PLCXD1: variants seen among roughly 807,000 people sequenced by gnomAD.
PLCXD1 encodes the protein PI-PLC X domain-containing protein 1.
Under a neutral mutation model 37.8 loss-of-function variants are expected in PLCXD1, and 45 were observed. The ratio of observed to expected loss-of-function variants is 1.19; its 90% CI spans 0.94 to 1.53. PLCXD1 has a LOEUF of 1.53. Ranked by LOEUF, PLCXD1 falls within the 40% of genes most tolerant of loss-of-function variation. The pLI is 0.00. For missense variants in PLCXD1, 539 were observed against 454.7 expected, an observed-to-expected ratio of 1.19 and a Z score of -1.69; for synonymous variants, 246 against 206.9, an observed-to-expected ratio of 1.19 and a Z score of -1.62.
chrX:294,976 G>A (rs754617207), intron 6 of PLCXD1, among the ~76,000 whole-genome samples: 4 of 152,010 alleles, frequency 2.6e-5, no homozygotes, highest in South Asian at 2.1e-4. Context: ...AGGAGTTTGC[G>A]ACCAGTCTGG....
chrX:288,984 T>C, intron 3 of PLCXD1, 115 bp downstream of exon 3: 1 of 1,001,334 alleles, frequency 1.0e-6, no homozygotes, highest in Non-Finnish European at 1.5e-6. Context: ...CCCTGTGGGC[T>C]CAGGAGGCAG....
At position 299,159 on chromosome X, in the gene PLCXD1, T is replaced by C. The variant is rs1245067006; in HGVS notation, c.796T>C (p.Ser266Pro). 6.8e-6 allele frequency: 11 copies of C among 1,613,928 alleles called. No homozygotes were observed. The African/African-American group carries it at 1.5e-4, about 22-fold the overall frequency. The change falls in exon 7 of 7, where the codon TCC becomes CCC. Residue 266 changes from serine to proline, a missense_variant. By Grantham distance (74) the Ser-to-Pro change is moderately conservative. Coordinates refer to ENST00000381657, the MANE Select transcript of PLCXD1 (RefSeq NM_018390.4). ...ENLQYVLAHP[S>P]ESLEKMTLPN... ...CCTGCAGTACGTTCTGGCGCACCCG[T>C]CCGAGTCCCTGGAGAAGATGACGCT...
At chrX:291,181 T>TCG (rs2069622946) in intron 4 of PLCXD1, among the ~76,000 whole-genome samples, 1 of 151,566 alleles carries the variant, frequency 6.6e-6, no homozygotes, top group Non-Finnish European at 1.5e-5. Context: ...AGTCTTGCTG[T>TCG]GTCGCCCAGG....
rs776718383 is a variant in PLCXD1 at position 299,163 on chromosome X, A to C, written c.800A>C (p.Glu267Ala). ...NLQYVLAHPS[E>A]SLEKMTLPNL... is the part of the protein sequence containing the mutation. The stretch of plus-strand genomic sequence containing the variant: ...CAGTACGTTCTGGCGCACCCGTCCG[A>C]GTCCCTGGAGAAGATGACGCTGCCC... The change falls in exon 7 of 7, where the codon GAG (glutamate) becomes GCG (alanine). Residue 267 changes from glutamate (E) to alanine (A), a missense_variant. Physicochemically the swap from Glu to Ala is moderately radical, Grantham distance 107. Transcript: ENST00000381657. 6.2e-7 allele frequency: 1 copy of C among 1,613,908 alleles called. No homozygotes were observed. The highest frequency in any genetic ancestry group is 8.5e-7 in the Non-Finnish European group (1 of 1,179,868).
upstream of PLCXD1, among the ~76,000 whole-genome samples, chrX:279,992 G>A (rs2069228599): frequency 6.6e-6 from 1 of 152,026 alleles, no homozygotes; most frequent in Non-Finnish European, 1.5e-5. Context: ...GGGACTACAG[G>A]CGCGCGCCAG....
chrX:291,592 C>G lies in PLCXD1; in HGVS notation c.487C>G (p.Leu163Val). Residue 163 changes from leucine to valine, a missense_variant, in exon 5 of 7, where the codon CTG becomes GTG. Coordinates refer to ENST00000381657, the MANE Select transcript of PLCXD1 (RefSeq NM_018390.4). ...CRNFEGLSED[L>V]HEYLVACIKN... ...AAACTTCGAGGGGCTGAGCGAGGAC[C>G]TGCACGAGTACCTGGTCGCCTGTAT... The G allele has an allele frequency of 6.2e-7, 1 of 1,613,106 alleles. No homozygotes were observed. Among genetic ancestry groups the G allele is most frequent in the Non-Finnish European group, 8.5e-7 (1 of 1,179,844 alleles).
At chrX:285,846 C>T (rs1335689920) in intron 2 of PLCXD1, among the ~76,000 whole-genome samples, 11 of 152,108 alleles carry the variant, frequency 7.2e-5, no homozygotes, top group Admixed American at 7.2e-4. Flanking sequence ...CATTTGAGGA[C>T]TGCAGCCCAG....
In PLCXD1 at chrX:299,125, C is replaced by G. The variant is rs775652362; in HGVS notation, c.762C>G (p.Leu254=). 6.2e-7 allele frequency: 1 copy of G among 1,613,914 alleles called. No homozygotes were observed. The highest frequency in any genetic ancestry group is 8.5e-7 in the Non-Finnish European group (1 of 1,179,810). Residue 254 remains leucine (L), a synonymous_variant, in exon 7 of 7, where the codon CTC becomes CTG. Transcript: ENST00000381657. The stretch of plus-strand genomic sequence containing the variant: ...GGTTGTTCGTGGCCGGCATCAACCT[C>G]ACGGAGAACCTGCAGTACGTTCTGG... ...PGGLFVAGIN[L]TENLQYVLAH...
upstream of PLCXD1, among the ~76,000 whole-genome samples, chrX:278,270 G>A (rs1252880847): frequency 6.6e-6 from 1 of 152,022 alleles, no homozygotes; most frequent in African/African-American, 2.4e-5. Flanking sequence ...TGTGACGGGG[G>A]AAGGGACTGT....
At chrX:296,326 T>C (rs1389098586) in intron 6 of PLCXD1, among the ~76,000 whole-genome samples, 1 of 152,004 alleles carries the variant, frequency 6.6e-6, no homozygotes, top group Non-Finnish European at 1.5e-5. Flanking sequence ...GGTTTCAGCG[T>C]GTTGGTCAGG....
chrX:288,477 T>G (rs948597050), intron 2 of PLCXD1, among the ~76,000 whole-genome samples: 2 of 152,100 alleles, frequency 1.3e-5, no homozygotes, highest in Admixed American at 6.5e-5. Flanking sequence ...GTCACTGGAT[T>G]TGGGGGCCCG....
At position 284,253 on chromosome X, in the gene PLCXD1, C is replaced by T. The variant is rs200625439; in HGVS notation, c.66C>T (p.Asp22=). Residue 22 remains aspartate (D), a synonymous_variant, in exon 2 of 7, where the codon GAC becomes GAT. Coordinates refer to ENST00000381657, the MANE Select transcript of PLCXD1 (RefSeq NM_018390.4). ...SRLHCRNANE[D]WMSALCPRLW... ...TGCACTGCAGAAATGCCAACGAGGA[C>T]TGGATGTCGGCACTGTGTCCCCGGC... is the stretch of plus-strand genomic sequence containing the variant. 1 of 1,613,262 alleles carries T rather than the reference C, an allele frequency of 6.2e-7. No individual in the cohort carries two copies. Among genetic ancestry groups the T allele is most frequent in the Non-Finnish European group, 8.5e-7 (1 of 1,179,458 alleles).
Position 284,780 on chromosome X carries a change from T to A in PLCXD1, c.127+466T>A, listed in dbSNP as rs1029731141. The stretch of plus-strand genomic sequence containing the variant: ...ATAAAAGAGGTTTAATGGACTCAGT[T>A]CCACCTGGCTGGGGAGGCCTCACAA... On this transcript the variant is annotated intron_variant, in intron 2 of 6. Transcript: ENST00000381657. 2.0e-5 allele frequency among the ~76,000 whole-genome samples: 3 copies of A among 148,320 alleles called. No homozygotes were observed. In the Admixed American group the frequency reaches 2.0e-4, roughly 10 times the overall value.
Position 300,764 on chromosome X carries a change from C to T in PLCXD1, c.*1429C>T, listed in dbSNP as rs1208132992. ...TGTCACCCAGGCTGGAGTGCAACGG[C>T]GAGATCTCGGCTCACCGCAACCTCC... On this transcript the variant is annotated 3_prime_UTR_variant, in exon 7 of 7. Transcript: ENST00000381657. The T allele has an allele frequency of 1.3e-5, 2 of 149,484 alleles. No individual in the cohort carries two copies. The highest frequency in any genetic ancestry group is 4.9e-5 in the African/African-American group (2 of 40,542). 9.3% of individuals were successfully genotyped at this position (149,484 alleles called of 1,614,324 possible).
chrX:284,905 C>T (rs1398591845), intron 2 of PLCXD1, among the ~76,000 whole-genome samples: 2 of 152,164 alleles, frequency 1.3e-5, no homozygotes, highest in Non-Finnish European at 2.9e-5. Flanking sequence ...CATCAGATCT[C>T]GTGAGACTTA....
At chrX:286,142 G>A (rs376094460) in intron 2 of PLCXD1, among the ~76,000 whole-genome samples, 5 of 151,550 alleles carry the variant, frequency 3.3e-5, no homozygotes, top group African/African-American at 7.3e-5. Context: ...TCAGCTCATC[G>A]CAACCTCTGC....
chrX:289,516 C>CTTTTTTTTTTT (rs759211019), intron 3 of PLCXD1, among the ~76,000 whole-genome samples: 1 of 135,284 alleles, frequency 7.4e-6, no homozygotes, highest in East Asian at 2.1e-4. Flanking sequence ...CTTTCTTTTT[C>CTTTTTTTTTTT]TTTTTTTTTT....
intron 1 of PLCXD1, among the ~76,000 whole-genome samples, chrX:282,389 AAAC>A (rs1267926840): frequency 0.012 from 1,212 of 103,292 alleles, 14 homozygotes; most frequent in African/African-American, 0.046. Flanking sequence ...TCTTTAAAAA[AAAC>A]AAAACAAAAC....
Position 288,628 on chromosome X carries a change from G to A in PLCXD1, c.128-105G>A, listed in dbSNP as rs981694432. ...CTCCCGCCATACCTGTGCCTGTGCT[G>A]TGGGCGGGCAGCAGCCTGTGCTGTA... On this transcript the variant is annotated intron_variant, in intron 2 of 6. Coordinates refer to ENST00000381657, the MANE Select transcript of PLCXD1 (RefSeq NM_018390.4). 1.2e-5 allele frequency: 15 copies of A among 1,243,370 alleles called. No individual in the cohort carries two copies. In the Admixed American group the frequency reaches 2.2e-4, roughly 18 times the overall value. 77.0% of individuals were successfully genotyped at this position (1,243,370 alleles called of 1,614,324 possible).
Sources: gnomAD v4.1 joint callset for allele counts (sites outside exome capture counted in the v4.1 genomes callset) on GRCh38, gnomAD v4.1.1 for gene constraint, MANE v1.5 for transcripts, NCBI Gene and HGNC (gene_info 2026-07-23, HGNC 2026-07-21) for gene names.